Variants in LOXHD1 observed in about 807,000 individuals in gnomAD.
LOXHD1 encodes lipoxygenase homology domain-containing protein 1.
In LOXHD1, 205 loss-of-function variants were observed where a neutral mutation model predicts 248.2. The observed-to-expected ratio is 0.83, with a 90% CI of 0.74 to 0.93. The LOEUF is 0.93. LOXHD1 is among the 40% of genes least tolerant of loss of function. The pLI is 0.00. For missense variants in LOXHD1, 2,930 were observed against 2,971.6 expected, an observed-to-expected ratio of 0.99 and a Z score of 0.33; for synonymous variants, 1,113 against 1,162.8, an observed-to-expected ratio of 0.96 and a Z score of 0.87.
chr18:46,489,694 C>A (rs2033327001), intron 37 of LOXHD1, among the ~76,000 whole-genome samples: 1 of 152,156 alleles, frequency 6.6e-6, no homozygotes, highest in African/African-American at 2.4e-5. Flanking sequence ...TCCTATAGCC[C>A]CCTGCATCTG....
At chr18:46,534,043 G>A (rs1214181614) in intron 27 of LOXHD1, among the ~76,000 whole-genome samples, 1 of 152,164 alleles carries the variant, frequency 6.6e-6, no homozygotes, top group African/African-American at 2.4e-5. Flanking sequence ...TATGTGAGTT[G>A]ACCTTGAGTT....
intron 1 of LOXHD1, among the ~76,000 whole-genome samples, chr18:46,652,861 C>A (rs935350770): frequency 2.0e-5 from 3 of 152,106 alleles, no homozygotes; most frequent in Non-Finnish European, 2.9e-5. Context: ...TAAAAAAGAA[C>A]AAACTATATA....
intron 8 of LOXHD1, among the ~76,000 whole-genome samples, chr18:46,598,663 T>A (rs328136): frequency 0.76 from 115,949 of 152,126 alleles, 45,348 homozygotes; most frequent in Non-Finnish European, 0.86. Context: ...TATCAGCAAC[T>A]AATTGTTAGA....
intron 21 of LOXHD1, among the ~76,000 whole-genome samples, chr18:46,554,538 C>T (rs947461293): frequency 6.6e-5 from 10 of 152,156 alleles, no homozygotes; most frequent in Admixed American, 5.9e-4. Context: ...TAGAGTTGCT[C>T]TTGGCTTGAA....
Position 46,639,774 on chromosome 18 carries a change from T to C in LOXHD1, c.353A>G (p.Asn118Ser), listed in dbSNP as rs968024096. ...CACATGGTCCAGGTACCAGCTGGCATTCAAGCCCGTGTTGTCATGCTCAAT... is the reference window on the plus strand; with the variant it reads ...CACATGGTCCAGGTACCAGCTGGCACTCAAGCCCGTGTTGTCATGCTCAAT... ...VRIEHDNTGL[N>S]ASWYLDHVIV... The change falls in exon 4 of 41, where the codon AAT becomes AGT. Residue 118 changes from asparagine (N) to serine (S), a missense_variant. Transcript: ENST00000642948. 3 of 1,551,620 alleles carry C rather than the reference T, an allele frequency of 1.9e-6. No homozygotes were observed. Among genetic ancestry groups the C allele is most frequent in the Non-Finnish European group, 2.6e-6 (3 of 1,147,016 alleles).
rs1172130819 is a variant in LOXHD1 at position 46,485,172 on chromosome 18, G to T, written c.6050-21C>A. On this transcript the variant is annotated intron_variant, in intron 38 of 40. Transcript: ENST00000642948. ...GTAGGCTGTAATGGAGGAGGTGGGG[G>T]AGGGTCAGCACAGGGGAAGCAGTGC... is the stretch of plus-strand genomic sequence containing the variant. 1.4e-5 allele frequency: 22 copies of T among 1,546,982 alleles called. 1 individual carries two copies. Among genetic ancestry groups the T allele is most frequent in the Non-Finnish European group, 1.6e-5 (18 of 1,144,144 alleles).
chr18:46,557,272 C>T (rs1231749616), intron 21 of LOXHD1, 84 bp downstream of exon 21: 6 of 1,518,794 alleles, frequency 4.0e-6, no homozygotes, highest in African/African-American at 1.4e-5. Flanking sequence ...GGCCCACCCC[C>T]AGTCTTCTTC....
chr18:46,542,894 G>A, intron 23 of LOXHD1, 39 bp from the exon 24 acceptor site: 1 of 1,551,490 alleles, frequency 6.4e-7, no homozygotes, highest in Non-Finnish European at 8.7e-7. Flanking sequence ...GGCTGGACCT[G>A]AGGCCTTTCA....
At chr18:46,495,573 G>C (rs1464165497) in intron 37 of LOXHD1, among the ~76,000 whole-genome samples, 1 of 151,948 alleles carries the variant, frequency 6.6e-6, no homozygotes, top group African/African-American at 2.4e-5. Context: ...AATAATAATG[G>C]GATTTCTGTG....
intron 5 of LOXHD1, among the ~76,000 whole-genome samples, chr18:46,614,742 AAAT>A (rs1260354933): frequency 6.6e-6 from 1 of 151,482 alleles, no homozygotes; most frequent in Non-Finnish European, 1.5e-5. Flanking sequence ...ATAAATAAAT[AAAT>A]AACTTTTTAG....
At chr18:46,612,961 C>A (rs1420932693) in intron 5 of LOXHD1, among the ~76,000 whole-genome samples, 1 of 152,086 alleles carries the variant, frequency 6.6e-6, no homozygotes, top group African/African-American at 2.4e-5. Flanking sequence ...AGCAATATCA[C>A]ACTGTTTTAG....
chr18:46,518,350 C>T (rs2035380989), intron 33 of LOXHD1, 94 bp from the exon 34 acceptor site: 1 of 1,420,382 alleles, frequency 7.0e-7, no homozygotes, highest in Non-Finnish European at 9.6e-7. Context: ...GACACACTGT[C>T]CAAGTTCCAC....
At chr18:46,579,004 CA>C (rs2037910774) in intron 13 of LOXHD1, among the ~76,000 whole-genome samples, 1 of 152,254 alleles carries the variant, frequency 6.6e-6, no homozygotes, top group African/African-American at 2.4e-5. Flanking sequence ...GCTGGGGAAA[CA>C]GGGGGAACAC....
chr18:46,574,268 C>T (rs1486786844), intron 14 of LOXHD1, among the ~76,000 whole-genome samples: 1 of 152,084 alleles, frequency 6.6e-6, no homozygotes, highest in African/African-American at 2.4e-5. Context: ...TAGCCAGTTT[C>T]TTTCAGCTTC....
intron 6 of LOXHD1, among the ~76,000 whole-genome samples, chr18:46,606,305 G>A (rs1337873299): frequency 6.6e-6 from 1 of 151,636 alleles, no homozygotes; most frequent in Non-Finnish European, 1.5e-5. Flanking sequence ...GTTTGTCACA[G>A]CACTATTTAT....
At chr18:46,640,446 C>A (rs1406876826) in intron 3 of LOXHD1, among the ~76,000 whole-genome samples, 1 of 152,168 alleles carries the variant, frequency 6.6e-6, no homozygotes, top group African/African-American at 2.4e-5. Context: ...GCCATCTAGA[C>A]CAGGGTGGTC....
At chr18:46,534,523 C>T in intron 26 of LOXHD1, 72 bp from the exon 27 acceptor site, 1 of 1,145,476 alleles carries the variant, frequency 8.7e-7, no homozygotes, top group Admixed American at 2.0e-5. Flanking sequence ...CAACATCCTG[C>T]TTCCCCAGGG....
intron 16 of LOXHD1, among the ~76,000 whole-genome samples, chr18:46,566,925 C>A (rs1224922376): frequency 6.6e-6 from 1 of 152,192 alleles, no homozygotes; most frequent in African/African-American, 2.4e-5. Context: ...TATCACCCAT[C>A]CTGAAGGTGA....
intron 12 of LOXHD1, among the ~76,000 whole-genome samples, chr18:46,583,938 T>A (rs1202795117): frequency 6.6e-6 from 1 of 151,980 alleles, no homozygotes; most frequent in Non-Finnish European, 1.5e-5. Flanking sequence ...AGATATAGAA[T>A]CAACCTAAGT....
Sources: allele counts gnomAD v4.1 joint callset (sites outside exome capture counted in the v4.1 genomes callset), GRCh38; gene constraint gnomAD v4.1.1; transcripts MANE v1.5; gene names NCBI Gene and HGNC (gene_info 2026-07-23, HGNC 2026-07-21).